Variants in ULK4 observed in about 807,000 individuals in gnomAD.
The protein encoded by ULK4 is unc-51 like kinase 4.
ULK4 carries 133 observed loss-of-function variants against 160.6 expected under a neutral mutation model. That is an observed-to-expected ratio of 0.83 (90% confidence interval 0.72 to 0.96). The LOEUF is 0.96. Among genes scored for constraint, ULK4 ranks in the 40% least tolerant of loss-of-function variants. The pLI, the probability that ULK4 is intolerant of heterozygous loss-of-function variation, is 0.00. For synonymous variants in ULK4, 534 were observed against 539.8 expected (o/e 0.99, Z 0.15); for missense variants, 1,580 against 1,499.5 (o/e 1.05, Z -0.89).
At chr3:41,259,060 GTA>G (rs1382279726) in intron 35 of ULK4, among the ~76,000 whole-genome samples, 3 of 148,094 alleles carry the variant, frequency 2.0e-5, no homozygotes, top group Non-Finnish European at 4.5e-5. Context: ...ATATGTATAT[GTA>G]TATGTGTATA....
chr3:41,802,097 G>A (rs558680424), intron 19 of ULK4, among the ~76,000 whole-genome samples: 1 of 152,054 alleles, frequency 6.6e-6, no homozygotes, highest in Admixed American at 6.5e-5. Flanking sequence ...GTACCATTCT[G>A]AAATGCAAAA....
At chr3:41,769,292 C>A (rs1335795094) in intron 21 of ULK4, among the ~76,000 whole-genome samples, 1 of 152,116 alleles carries the variant, frequency 6.6e-6, no homozygotes, top group African/African-American at 2.4e-5. Flanking sequence ...CTATATTTAA[C>A]CTTAAGCAAT....
intron 30 of ULK4, among the ~76,000 whole-genome samples, chr3:41,639,751 C>T (rs912621227): frequency 8.6e-5 from 13 of 152,036 alleles, no homozygotes; most frequent in Non-Finnish European, 1.2e-4. Flanking sequence ...ATGTATCTGT[C>T]AAAGTATATA....
At chr3:41,354,705 T>C (rs982247306) in intron 35 of ULK4, among the ~76,000 whole-genome samples, 1 of 152,204 alleles carries the variant, frequency 6.6e-6, no homozygotes, top group African/African-American at 2.4e-5. Flanking sequence ...GGTCCCACTC[T>C]GAGATGGGGC....
chr3:41,397,303 T>C (rs1287395369), intron 35 of ULK4, among the ~76,000 whole-genome samples: 1 of 152,160 alleles, frequency 6.6e-6, no homozygotes, highest in African/African-American at 2.4e-5. Flanking sequence ...AGGGAAAGTT[T>C]TTCCTTACAG....
At chr3:41,270,797 T>G (rs1308713720) in intron 35 of ULK4, among the ~76,000 whole-genome samples, 1 of 152,216 alleles carries the variant, frequency 6.6e-6, no homozygotes, top group African/African-American at 2.4e-5. Flanking sequence ...TAATTAAAAT[T>G]TAAATCCCAT....
At chr3:41,364,863 G>A (rs1446230186) in intron 35 of ULK4, among the ~76,000 whole-genome samples, 1 of 152,102 alleles carries the variant, frequency 6.6e-6, no homozygotes, top group Non-Finnish European at 1.5e-5. Flanking sequence ...CTTCTGGATT[G>A]TTCAGGAGCC....
chr3:41,923,937 C>T (rs1699288625), intron 5 of ULK4, among the ~76,000 whole-genome samples: 1 of 152,068 alleles, frequency 6.6e-6, no homozygotes. Context: ...CTTTTCTGTC[C>T]CTGAATTTGG....
intron 34 of ULK4, among the ~76,000 whole-genome samples, chr3:41,409,232 G>T (rs991790479): frequency 2.6e-5 from 4 of 151,948 alleles, no homozygotes; most frequent in African/African-American, 9.7e-5. Context: ...CTCTAGACTG[G>T]GTAACAGAGC....
chr3:41,392,232 C>A (rs1374063884), intron 35 of ULK4, among the ~76,000 whole-genome samples: 2 of 152,238 alleles, frequency 1.3e-5, no homozygotes, highest in Admixed American at 1.3e-4. Context: ...AACCTCCCAA[C>A]TTCCTGTTCA....
chr3:41,492,512 G>A (rs1242716448), intron 32 of ULK4, among the ~76,000 whole-genome samples: 1 of 149,326 alleles, frequency 6.7e-6, no homozygotes, highest in Non-Finnish European at 1.5e-5. Context: ...GGAAGAAACT[G>A]CATCAACTAA....
At chr3:41,365,712 A>AC (rs2081241721) in intron 35 of ULK4, among the ~76,000 whole-genome samples, 1 of 152,098 alleles carries the variant, frequency 6.6e-6, no homozygotes, top group Non-Finnish European at 1.5e-5. Context: ...AGGCTGCCTA[A>AC]CCCCCAAGCC....
rs371988378 is a variant in ULK4, at chr3:41,796,454, T to A, written c.2010+3678A>T. On this transcript the variant is annotated intron_variant, in intron 20 of 36. Transcript: ENST00000301831. ...AAACTACAAAAAAATTAACCGGATG[T>A]GGTGGCATGCACCTGTAATCCCAGC... Among the ~76,000 whole-genome samples the A allele has an allele frequency of 2.0e-5, 3 of 152,074 alleles. No homozygotes were observed. In the East Asian group the frequency reaches 5.8e-4, roughly 29 times the overall value.
chr3:41,264,156 C>T (rs2078990465), intron 35 of ULK4, among the ~76,000 whole-genome samples: 1 of 152,126 alleles, frequency 6.6e-6, no homozygotes, highest in Admixed American at 6.5e-5. Flanking sequence ...GTGATAGCAG[C>T]AACCATGAAG....
chr3:41,877,542 G>C (rs767772293), intron 17 of ULK4, among the ~76,000 whole-genome samples: 2 of 151,902 alleles, frequency 1.3e-5, no homozygotes, highest in African/African-American at 2.4e-5. Context: ...GGCCAAGCTG[G>C]TCTCGAACGC....
chr3:41,506,767 A>AAAAAAAAAAAAAAAAAAAAATATATAT lies in ULK4; in HGVS notation c.3227-43515_3227-43514insATATATATTTTTTTTTTTTTTTTTTTT. Among the ~76,000 whole-genome samples the AAAAAAAAAAAAAAAAAAAAATATATAT allele has an allele frequency of 4.9e-4, 28 of 56,792 alleles. 5 individuals are homozygous for AAAAAAAAAAAAAAAAAAAAATATATAT. Among genetic ancestry groups the AAAAAAAAAAAAAAAAAAAAATATATAT allele is most frequent in the Non-Finnish European group, 7.2e-4 (23 of 31,982 alleles). The allele number at this position is 56,792 out of a possible 152,430, so 37.3% of individuals were successfully genotyped here. A position where few individuals can be genotyped will look rare whatever the true frequency, so the allele number is the denominator to read the frequency against. ...AGCAATACACTGGAGTGTGATTTAA[A>AAAAAAAAAAAAAAAAAAAAATATATAT]ATATATATATATATATATATATATA... is the stretch of plus-strand genomic sequence containing the variant. On this transcript the variant is annotated intron_variant, in intron 32 of 36. Coordinates refer to ENST00000301831, the MANE Select transcript of ULK4 (RefSeq NM_017886.4).
intron 22 of ULK4, among the ~76,000 whole-genome samples, chr3:41,747,310 G>C (rs2038452057): frequency 6.6e-6 from 1 of 151,882 alleles, no homozygotes; most frequent in Non-Finnish European, 1.5e-5. Flanking sequence ...TCTTTGGCCA[G>C]TGGAAGCTCC....
intron 20 of ULK4, 39 bp downstream of exon 20, chr3:41,800,093 G>T (rs2125603979): frequency 2.0e-6 from 3 of 1,480,134 alleles, no homozygotes; most frequent in East Asian, 4.9e-5. Flanking sequence ...GCTGTTTAAA[G>T]ATACCCAGAC....
At chr3:41,722,543 A>C (rs1328661291) in intron 22 of ULK4, among the ~76,000 whole-genome samples, 1 of 152,174 alleles carries the variant, frequency 6.6e-6, no homozygotes, top group African/African-American at 2.4e-5. Context: ...AGGCAGGAGA[A>C]TCTCTTGAAC....
Sources: allele counts gnomAD v4.1 joint callset (sites outside exome capture counted in the v4.1 genomes callset), GRCh38; gene constraint gnomAD v4.1.1; transcripts MANE v1.5; gene names NCBI Gene and HGNC (gene_info 2026-07-23, HGNC 2026-07-21).